Variants in DEPTOR observed in about 807,000 individuals in gnomAD.
DEPTOR encodes the protein DEP domain containing MTOR interacting protein.
A neutral mutation model predicts 41.6 loss-of-function variants in DEPTOR; 41 were observed. The observed-to-expected ratio is 0.98, with a 90% confidence interval of 0.77 to 1.28. The LOEUF is 1.28. Ranked by LOEUF, DEPTOR falls within the 50% of genes most tolerant of loss-of-function variation. DEPTOR has a pLI of 0.00. For missense variants in DEPTOR, 514 were observed against 527.9 expected, an observed-to-expected ratio of 0.97 and a Z score of 0.26; for synonymous variants, 195 against 192.3, an observed-to-expected ratio of 1.01 and a Z score of -0.12.
At chr8:120,012,817 G>T (rs1428283303) in intron 8 of DEPTOR, among the ~76,000 whole-genome samples, 1 of 152,032 alleles carries the variant, frequency 6.6e-6, no homozygotes, top group African/African-American at 2.4e-5. Context: ...TTACAAGCGT[G>T]AGCCACCACG....
At chr8:119,943,141 T>C (rs1258185427) in intron 3 of DEPTOR, among the ~76,000 whole-genome samples, 1 of 152,188 alleles carries the variant, frequency 6.6e-6, no homozygotes, top group Non-Finnish European at 1.5e-5. Flanking sequence ...CTTTGGCTTC[T>C]GGTTCAGCTC....
chr8:119,967,457 G>T (rs117591617), intron 4 of DEPTOR, among the ~76,000 whole-genome samples: 9,055 of 151,910 alleles, frequency 0.06, 325 homozygotes, highest in South Asian at 0.19. Context: ...TACACAGAAA[G>T]GCAGAGGGAA....
chr8:120,004,914 G>GT (rs1196024285), intron 6 of DEPTOR, among the ~76,000 whole-genome samples: 5 of 151,610 alleles, frequency 3.3e-5, no homozygotes, highest in Admixed American at 2.6e-4. Context: ...ACCAGGATAT[G>GT]TTTTTTTAGT....
At position 119,880,141 on chromosome 8, in the gene DEPTOR, CAAAATAAAATAAAAT is replaced by C. The variant is rs534342442; in HGVS notation, c.122+6207_122+6221del. Among the ~76,000 whole-genome samples the C allele has an allele frequency of 7.4e-3, 1,028 of 139,214 alleles. 4 individuals are homozygous for C. The highest frequency in any genetic ancestry group is 0.018 in the African/African-American group (650 of 36,072). The allele number at this position is 139,214 out of a possible 152,430, so 91.3% of individuals were successfully genotyped here. A position where few individuals can be genotyped will look rare whatever the true frequency, so the allele number is the denominator to read the frequency against. On this transcript the variant is annotated intron_variant, in intron 1 of 8. Transcript: ENST00000286234. ...TGGGTGACAGAGCGGGACTCCGTCT[CAAAATAAAATAAAAT>C]AAAATAAAATAAAATAAAATAAAAT...
intron 1 of DEPTOR, among the ~76,000 whole-genome samples, chr8:119,903,671 C>A (rs147927145): frequency 6.6e-6 from 1 of 152,226 alleles, no homozygotes; most frequent in East Asian, 1.9e-4. Flanking sequence ...TATGAGAGTA[C>A]TTATGGGGAA....
At chr8:120,002,670 C>T (rs1487322015) in intron 5 of DEPTOR, among the ~76,000 whole-genome samples, 3 of 148,830 alleles carry the variant, frequency 2.0e-5, no homozygotes, top group Non-Finnish European at 3.0e-5. Context: ...CCCAGCTACT[C>T]AGGAGGCTGA....
chr8:120,006,991 G>A (rs899302231), intron 7 of DEPTOR, 116 bp downstream of exon 7: 5 of 1,016,002 alleles, frequency 4.9e-6, no homozygotes, highest in Admixed American at 2.3e-5. Flanking sequence ...TTTTCTTTTT[G>A]TTTTTAGCGT....
At position 120,049,826 on chromosome 8, in the gene DEPTOR, A is replaced by T; in HGVS notation, c.*122A>T. On this transcript the variant is annotated 3_prime_UTR_variant, in exon 9 of 9. Transcript: ENST00000286234. ...TTTTGGACATACGAGTCTTCTCCGC[A>T]CATACATGTCTAAAGTTGAGTTTTA... 1 of 1,275,608 alleles carries T rather than the reference A, an allele frequency of 7.8e-7. No individual in the cohort carries two copies. Among genetic ancestry groups the T allele is most frequent in the Non-Finnish European group, 1.1e-6 (1 of 938,604 alleles). The allele number at this position is 1,275,608 out of a possible 1,614,324, so 79.0% of individuals were successfully genotyped here.
At chr8:120,030,421 C>T (rs1386166609) in intron 8 of DEPTOR, among the ~76,000 whole-genome samples, 1 of 150,316 alleles carries the variant, frequency 6.7e-6, no homozygotes, top group African/African-American at 2.5e-5. Flanking sequence ...AGAGCCATAG[C>T]ATGTGCGACA....
intron 1 of DEPTOR, among the ~76,000 whole-genome samples, chr8:119,878,590 G>T (rs549100132): frequency 2.0e-5 from 3 of 151,808 alleles, no homozygotes; most frequent in African/African-American, 7.2e-5. Flanking sequence ...GCCTCCCAAA[G>T]TGCTGTGATT....
At chr8:119,894,553 T>C (rs1386532981) in intron 1 of DEPTOR, among the ~76,000 whole-genome samples, 1 of 151,964 alleles carries the variant, frequency 6.6e-6, no homozygotes, top group East Asian at 1.9e-4. Context: ...CCCGCCACTA[T>C]GCCCGGCTAA....
intron 8 of DEPTOR, among the ~76,000 whole-genome samples, chr8:120,038,118 A>C (rs1385003735): frequency 6.6e-6 from 1 of 150,592 alleles, no homozygotes; most frequent in African/African-American, 2.5e-5. Context: ...AACACAAAAA[A>C]ATTAGCCAGA....
At chr8:119,917,623 G>A (rs892702217) in intron 1 of DEPTOR, among the ~76,000 whole-genome samples, 10 of 152,326 alleles carry the variant, frequency 6.6e-5, no homozygotes, top group Admixed American at 2.0e-4. Context: ...AGGAAAGCCA[G>A]GTATTGTCCA....
At chr8:120,046,889 G>A (rs148270102) in intron 8 of DEPTOR, among the ~76,000 whole-genome samples, 7 of 152,266 alleles carry the variant, frequency 4.6e-5, no homozygotes, top group African/African-American at 7.2e-5. Flanking sequence ...ATAGGAAGCC[G>A]TAAGGACTGT....
chr8:119,942,794 T>G (rs931590609), intron 3 of DEPTOR, among the ~76,000 whole-genome samples: 1 of 152,200 alleles, frequency 6.6e-6, no homozygotes, highest in African/African-American at 2.4e-5. Context: ...TGAGTCTCTG[T>G]TTTTTCATGG....
intron 8 of DEPTOR, among the ~76,000 whole-genome samples, chr8:120,009,937 T>C (rs2130106486): frequency 1.3e-5 from 2 of 152,316 alleles, no homozygotes; most frequent in Non-Finnish European, 2.9e-5. Context: ...TTTGCTTAAA[T>C]CTTTGTGTAA....
At chr8:119,893,694 G>A (rs1004233824) in intron 1 of DEPTOR, among the ~76,000 whole-genome samples, 2 of 152,074 alleles carry the variant, frequency 1.3e-5, no homozygotes, top group South Asian at 2.1e-4. Flanking sequence ...TGGGTGTGGT[G>A]GCATGCGCCT....
intron 1 of DEPTOR, among the ~76,000 whole-genome samples, 177 bp from the exon 2 acceptor site, chr8:119,928,223 G>A (rs1462164112): frequency 1.3e-5 from 2 of 152,098 alleles, no homozygotes; most frequent in East Asian, 3.9e-4. Context: ...TCAGAGGCTG[G>A]AGTCACTTTC....
intron 1 of DEPTOR, among the ~76,000 whole-genome samples, chr8:119,881,579 C>T (rs1295455809): frequency 6.6e-6 from 1 of 150,830 alleles, no homozygotes; most frequent in Non-Finnish European, 1.5e-5. Context: ...AAAGATCAAG[C>T]TCTAATAAAT....
Sources: gnomAD v4.1 joint callset for allele counts (sites outside exome capture counted in the v4.1 genomes callset) on GRCh38, gnomAD v4.1.1 for gene constraint, MANE v1.5 for transcripts, NCBI Gene and HGNC (gene_info 2026-07-23, HGNC 2026-07-21) for gene names.